The following ACOT1 variants were observed in gnomAD, a reference collection of about 807,000 sequenced individuals.
ACOT1 encodes acyl-CoA thioesterase 1.
Under a neutral mutation model 15.7 loss-of-function variants are expected in ACOT1, and 8 were observed. The observed-to-expected ratio is 0.51, with a 90% confidence interval of 0.30 to 0.92. The LOEUF is 0.92. Among genes scored for constraint, ACOT1 ranks in the 40% least tolerant of loss-of-function variants. The probability of loss-of-function intolerance (pLI) is 0.06; values close to 1 mark genes in which losing one functional copy is unlikely to be tolerated. For synonymous variants in ACOT1, 67 were observed against 241.2 expected (o/e 0.28, Z 6.69); for missense variants, 151 against 539.4 (o/e 0.28, Z 7.13).
the ACOT1 span, chr14:73,500,407 G>C: frequency 1.3e-6 from 1 of 776,864 alleles, no homozygotes; most frequent in Non-Finnish European, 2.0e-6. Flanking sequence ...AGTCCTGTTT[G>C]AAGTGGCTTA....
the ACOT1 span, chr14:73,496,576 G>C: frequency 9.4e-6 from 14 of 1,489,124 alleles, no homozygotes; most frequent in Non-Finnish European, 1.3e-5. Context: ...ATTTTCTCTT[G>C]AGAACAGAGC....
At chr14:73,506,665 T>C in the ACOT1 span, 1 of 907,016 alleles carries the variant, frequency 1.1e-6, no homozygotes, top group Non-Finnish European at 1.8e-6. Flanking sequence ...CCTGCATAAT[T>C]AATGTCACCA....
chr14:73,526,455 A>C, the ACOT1 span, among the ~76,000 whole-genome samples: 1 of 152,188 alleles, frequency 6.6e-6, no homozygotes, highest in Non-Finnish European at 1.5e-5. Context: ...TGTGACACCA[A>C]CTGTGGTGAA....
chr14:73,528,233 A>G, the ACOT1 span, among the ~76,000 whole-genome samples: 2 of 151,828 alleles, frequency 1.3e-5, no homozygotes, highest in Non-Finnish European at 2.9e-5. Context: ...CATCTCTACT[A>G]AAAATACAAA....
the ACOT1 span, among the ~76,000 whole-genome samples, chr14:73,507,465 GCT>G: frequency 1.4e-4 from 21 of 152,136 alleles, no homozygotes; most frequent in East Asian, 3.1e-3. Context: ...GCAGGGTCTT[GCT>G]CTGTCGCTCA....
chr14:73,497,309 G>A, the ACOT1 span, among the ~76,000 whole-genome samples: 3 of 152,180 alleles, frequency 2.0e-5, no homozygotes, highest in Admixed American at 6.5e-5. Context: ...CAAAGTGTTG[G>A]GATTACAGAT....
the ACOT1 span, chr14:73,522,391 A>G: frequency 6.2e-7 from 1 of 1,614,148 alleles, no homozygotes; most frequent in Non-Finnish European, 8.5e-7. Context: ...GCTCCAGGTC[A>G]CTGGCAGAGG....
the ACOT1 span, chr14:73,509,282 C>T: frequency 7.5e-6 from 12 of 1,606,052 alleles, no homozygotes; most frequent in Non-Finnish European, 1.0e-5. Context: ...TCCCATATTT[C>T]CAGGTCAGAA....
At chr14:73,498,387 A>T in the ACOT1 span, 1 of 1,500,974 alleles carries the variant, frequency 6.7e-7, no homozygotes, top group Non-Finnish European at 9.0e-7. Flanking sequence ...GACTGAGCTT[A>T]CTATATTCTA....
the ACOT1 span, chr14:73,496,535 A>G: frequency 6.3e-6 from 6 of 952,002 alleles, no homozygotes; most frequent in Non-Finnish European, 8.6e-6. Flanking sequence ...TTTGAGGAGG[A>G]CAGGGTCTGA....
the ACOT1 span, among the ~76,000 whole-genome samples, chr14:73,510,447 T>TG: frequency 0.037 from 5,591 of 151,948 alleles, 153 homozygotes; most frequent in Non-Finnish European, 0.059. Flanking sequence ...TTTTTGTTTT[T>TG]TTTTTGAGAT....
Position 73,537,861 on chromosome 14 carries a change from C to A in ACOT1, c.440C>A (p.Thr147Lys). Reference sequence around the variant, plus strand: ...GTGCGCGCGGGCCGGGTGCGAGGCACGCTCTTCCTGCCGCCAGGTGACTCA... The same window carrying A: ...GTGCGCGCGGGCCGGGTGCGAGGCAAGCTCTTCCTGCCGCCAGGTGACTCA... The part of the protein sequence containing the change: ...EPVRAGRVRG[T>K]LFLPPEPGPF... Residue 147 changes from threonine to lysine, a missense_variant, in exon 1 of 3, where the codon ACG becomes AAG. Physicochemically the swap from Thr to Lys is moderately conservative, Grantham distance 78. Transcript: ENST00000311148. 1.7e-6 allele frequency: 2 copies of A among 1,201,712 alleles called. 1 individual carries two copies. The highest frequency in any genetic ancestry group is 2.2e-6 in the Non-Finnish European group (2 of 920,180). The allele number at this position is 1,201,712 out of a possible 1,614,324, so 74.4% of individuals were successfully genotyped here. A position where few individuals can be genotyped will look rare whatever the true frequency, so the allele number is the denominator to read the frequency against.
the ACOT1 span, among the ~76,000 whole-genome samples, chr14:73,501,541 C>T: frequency 6.7e-5 from 10 of 150,144 alleles, no homozygotes; most frequent in African/African-American, 2.0e-4. Context: ...CACTTACCCA[C>T]TCTGCGGCTC....
At chr14:73,520,429 T>C in the ACOT1 span, 2 of 158,010 alleles carry the variant, frequency 1.3e-5, no homozygotes, top group Non-Finnish European at 2.8e-5. Flanking sequence ...AAAAAAATAC[T>C]GAGCCAGGAT....
chr14:73,509,409 C>T, the ACOT1 span: 3 of 1,614,098 alleles, frequency 1.9e-6, no homozygotes, highest in Non-Finnish European at 2.5e-6. Context: ...CATGGGCATT[C>T]TTGTCACAAA....
the ACOT1 span, among the ~76,000 whole-genome samples, chr14:73,499,536 T>G: frequency 6.6e-6 from 1 of 152,078 alleles, no homozygotes; most frequent in East Asian, 1.9e-4. Flanking sequence ...GGGAAACCAC[T>G]TATCTCTAAA....
chr14:73,491,338 G>A, the ACOT1 span: 4 of 1,450,708 alleles, frequency 2.8e-6, no homozygotes, highest in South Asian at 2.8e-5. Flanking sequence ...AGCTGCTGGA[G>A]GCCTCGCCCG....
chr14:73,524,306 A>ATATATATATATAT, the ACOT1 span, among the ~76,000 whole-genome samples: 9 of 90,982 alleles, frequency 9.9e-5, no homozygotes, highest in African/African-American at 3.4e-4. Context: ...AAAAAAAAAA[A>ATATATATATATAT]AAAAATATAT....
At chr14:73,517,824 C>T in the ACOT1 span, among the ~76,000 whole-genome samples, 1 of 151,928 alleles carries the variant, frequency 6.6e-6, no homozygotes. Flanking sequence ...CACGGTGGCT[C>T]ACGCCTGTAA....
Sources: gnomAD v4.1 joint callset for allele counts (sites outside exome capture counted in the v4.1 genomes callset) on GRCh38, gnomAD v4.1.1 for gene constraint, MANE v1.5 for transcripts, NCBI Gene and HGNC (gene_info 2026-07-23, HGNC 2026-07-21) for gene names.